The following JAK2 variants were observed in gnomAD, a reference collection of about 807,000 sequenced individuals.
JAK2 encodes the protein Janus kinase 2, also known as tyrosine-protein kinase JAK2.
A neutral mutation model predicts 139.3 loss-of-function variants in JAK2; 86 were observed. That is an observed-to-expected ratio of 0.62 (90% CI 0.52 to 0.74). The LOEUF (loss-of-function observed/expected upper bound fraction) is 0.74, where lower values mean the gene tolerates loss of function less well. Among genes scored for constraint, JAK2 ranks in the 30% least tolerant of loss-of-function variants. The pLI is 0.00. For missense variants in JAK2, 1,421 were observed against 1,360.3 expected (o/e 1.04, Z -0.70); for synonymous variants, 490 against 437.7 (o/e 1.12, Z -1.49).
chr9:5,002,113 C>A (rs1217559076), intron 2 of JAK2, among the ~76,000 whole-genome samples: 1 of 151,614 alleles, frequency 6.6e-6, no homozygotes, highest in African/African-American at 2.4e-5. Context: ...CTTTTTAAAT[C>A]TTTTCTAAAA....
intron 19 of JAK2, among the ~76,000 whole-genome samples, chr9:5,088,889 C>T (rs1204996973): frequency 1.3e-5 from 2 of 152,206 alleles, no homozygotes; most frequent in African/African-American, 4.8e-5. Context: ...GCCCTATCTC[C>T]AAATACAGTC....
chr9:4,997,882 T>C (rs1820674400), intron 2 of JAK2, among the ~76,000 whole-genome samples: 1 of 152,224 alleles, frequency 6.6e-6, no homozygotes, highest in South Asian at 2.1e-4. Flanking sequence ...TGTTTATGTA[T>C]TTCTTATTGT....
chr9:4,998,482 C>T (rs1336064720), intron 2 of JAK2, among the ~76,000 whole-genome samples: 1 of 152,120 alleles, frequency 6.6e-6, no homozygotes, highest in Non-Finnish European at 1.5e-5. Context: ...GTCTCGAACT[C>T]CTGACCTCGT....
chr9:5,109,478 C>G (rs1471548675), intron 22 of JAK2: 1 of 152,130 alleles, frequency 6.6e-6, no homozygotes. Context: ...ATTGGTGCAA[C>G]TCCAAAGAAA....
At position 5,041,358 on chromosome 9, in the gene JAK2, G is replaced by C. The variant is rs1816494318; in HGVS notation, c.351-3045G>C. ...TTGACAGGTACGGCGTGCTACATGA[G>C]CATCAACATGCACCTGGGCAAGGAG... On this transcript the variant is annotated intron_variant, in intron 4 of 24. Coordinates refer to ENST00000381652, the MANE Select transcript of JAK2 (RefSeq NM_004972.4). The C allele has an allele frequency of 2.7e-5, 17 of 628,104 alleles. No individual in the cohort carries two copies. In the South Asian group the frequency reaches 3.0e-4, roughly 11 times the overall value. The allele number at this position is 628,104 out of a possible 1,614,324, so 38.9% of individuals were successfully genotyped here.
chr9:5,047,675 G>C (rs1219376178), intron 5 of JAK2, among the ~76,000 whole-genome samples: 1 of 152,136 alleles, frequency 6.6e-6, no homozygotes, highest in Non-Finnish European at 1.5e-5. Flanking sequence ...TATAGAGATT[G>C]AACTCCTGGG....
In JAK2 at chr9:5,053,680, AGGCCAGATAGGCTGT is replaced by A. The variant is rs1054649774; in HGVS notation, c.615-875_615-861del. Among the ~76,000 whole-genome samples the A allele has an allele frequency of 6.6e-5, 10 of 152,158 alleles. 1 individual carries two copies. Among genetic ancestry groups the A allele is most frequent in the Admixed American group, 2.6e-4 (4 of 15,254 alleles). On this transcript the variant is annotated intron_variant, in intron 6 of 24. Coordinates refer to ENST00000381652, the MANE Select transcript of JAK2 (RefSeq NM_004972.4). ...TGGCTATGTACATGCTTTCAAAAAG[AGGCCAGATAGGCTGT>A]GGCCAGAAGGAAATGTGGGATTAAG...
intron 11 of JAK2, among the ~76,000 whole-genome samples, chr9:5,069,445 TATG>T (rs1430688880): frequency 1.3e-5 from 2 of 152,198 alleles, no homozygotes; most frequent in Non-Finnish European, 2.9e-5. Context: ...TAATGTGTGG[TATG>T]ATGTCATTTA....
In JAK2 at chr9:5,090,669, T is replaced by C. The variant is rs1432050003; in HGVS notation, c.2887-70T>C. The C allele has an allele frequency of 3.3e-6, 5 of 1,523,104 alleles. No individual in the cohort carries two copies. The Admixed American group carries it at 8.7e-5, about 26-fold the overall frequency. 94.3% of individuals were successfully genotyped at this position (1,523,104 alleles called of 1,614,324 possible). Reference sequence around the variant, plus strand: ...GTTTTCATAGATAATAAAGGGAATATATAGGGTTAAGACCATTTAAATTGT... The same window carrying C: ...GTTTTCATAGATAATAAAGGGAATACATAGGGTTAAGACCATTTAAATTGT... On this transcript the variant is annotated intron_variant, in intron 21 of 24. Transcript: ENST00000381652.
chr9:5,112,564 G>A (rs1254879574), intron 22 of JAK2: 2 of 641,538 alleles, frequency 3.1e-6, no homozygotes, highest in Admixed American at 5.2e-5. Context: ...TAACGCCAGG[G>A]AGCGGCTGCG....
chr9:4,996,481 T>C (rs1164728981), intron 2 of JAK2, among the ~76,000 whole-genome samples: 9 of 151,902 alleles, frequency 5.9e-5, no homozygotes, highest in African/African-American at 2.2e-4. Flanking sequence ...TAAAAATAAA[T>C]ACATAAATAG....
At chr9:5,037,356 G>T (rs528132315) in intron 4 of JAK2, among the ~76,000 whole-genome samples, 2 of 152,114 alleles carry the variant, frequency 1.3e-5, no homozygotes, top group East Asian at 3.9e-4. Context: ...CCCATTACTG[G>T]GTATATACCC....
intron 15 of JAK2, among the ~76,000 whole-genome samples, chr9:5,077,953 C>CA (rs1236239732): frequency 5.9e-5 from 9 of 152,116 alleles, no homozygotes; most frequent in African/African-American, 2.2e-4. Flanking sequence ...GGGGGACTGC[C>CA]AGTCATCAGA....
chr9:5,001,843 A>G (rs1820945755), intron 2 of JAK2, among the ~76,000 whole-genome samples: 1 of 152,010 alleles, frequency 6.6e-6, no homozygotes, highest in African/African-American at 2.4e-5. Flanking sequence ...GAAGAATTCA[A>G]TTTATTGAAG....
At chr9:5,070,114 G>C (rs548575791) in intron 12 of JAK2, 62 bp downstream of exon 12, 1 of 1,174,450 alleles carries the variant, frequency 8.5e-7, no homozygotes, top group African/African-American at 1.5e-5. Flanking sequence ...CTGTTTTCTT[G>C]ATTTACATTC....
intron 22 of JAK2, chr9:5,097,987 T>C: frequency 6.6e-6 from 1 of 152,352 alleles, no homozygotes; most frequent in Non-Finnish European, 1.5e-5. Flanking sequence ...ATTCCGATTA[T>C]CCTGATGCAT....
At chr9:5,029,638 T>C in intron 3 of JAK2, 145 bp from the exon 4 acceptor site, 1 of 600,306 alleles carries the variant, frequency 1.7e-6, no homozygotes. Context: ...GTTGTAGGGG[T>C]TGGTATATCA....
chr9:5,087,271 A>G (rs1295777235), intron 19 of JAK2, among the ~76,000 whole-genome samples: 1 of 152,236 alleles, frequency 6.6e-6, no homozygotes, highest in Non-Finnish European at 1.5e-5. Flanking sequence ...ACAGGGCAGC[A>G]GGAGAGAGAA....
chr9:5,091,995 C>T (rs747989120), intron 22 of JAK2, among the ~76,000 whole-genome samples: 23 of 151,882 alleles, frequency 1.5e-4, no homozygotes, highest in African/African-American at 2.4e-4. Flanking sequence ...AAGATACTGC[C>T]GATTGCTAGG....
Sources: allele counts gnomAD v4.1 joint callset (sites outside exome capture counted in the v4.1 genomes callset), GRCh38; gene constraint gnomAD v4.1.1; transcripts MANE v1.5; gene names NCBI Gene and HGNC (gene_info 2026-07-23, HGNC 2026-07-21).